Variants in RAD51AP2 observed in about 807,000 individuals in gnomAD.
RAD51AP2 encodes RAD51 associated protein 2.
RAD51AP2 carries 67 observed loss-of-function variants against 85.5 expected under a neutral mutation model. That is an observed-to-expected ratio of 0.78 (90% confidence interval 0.64 to 0.96). RAD51AP2 has a LOEUF of 0.96. Ranked by LOEUF, RAD51AP2 falls within the 40% of genes least tolerant of loss-of-function variation. The pLI is 0.00. For missense variants in RAD51AP2, 1,307 were observed against 1,332.4 expected (o/e 0.98, Z 0.30); for synonymous variants, 474 against 446.5 (o/e 1.06, Z -0.78).
At chr2:17,532,966 A>G in the RAD51AP2 span, among the ~76,000 whole-genome samples, 2 of 152,222 alleles carry the variant, frequency 1.3e-5, no homozygotes, top group African/African-American at 2.4e-5. Context: ...GTTTGACAAT[A>G]CTAAAATCAG....
At position 17,510,677 on chromosome 2, in the gene RAD51AP2, T is replaced by C. The variant is rs149837277; in HGVS notation, c.*127A>G. 30 of 486,430 alleles carry C rather than the reference T, an allele frequency of 6.2e-5. 1 individual carries two copies. The highest frequency in any genetic ancestry group is 6.0e-4 in the South Asian group (13 of 21,494). The allele number at this position is 486,430 out of a possible 1,614,324, so 30.1% of individuals were successfully genotyped here. A position where few individuals can be genotyped will look rare whatever the true frequency, so the allele number is the denominator to read the frequency against. ...CTTTGAAAGGTAATACCATAATTTA[T>C]ACACTCAAAAAAAAAAACTTCTCCA... is the stretch of plus-strand genomic sequence containing the variant. On this transcript the variant is annotated 3_prime_UTR_variant, in exon 3 of 3. Transcript: ENST00000399080.
In RAD51AP2 at chr2:17,518,033, C is replaced by G. The variant is rs374447700; in HGVS notation, c.383G>C (p.Arg128Thr). The G allele has an allele frequency of 2.5e-6, 4 of 1,614,190 alleles. No homozygotes were observed. Among genetic ancestry groups the G allele is most frequent in the Non-Finnish European group, 3.4e-6 (4 of 1,180,034 alleles). Reference sequence around the variant, plus strand: ...GCCTGCCTCAGACCTTCCTGAAGCCCTCAAATCAGAATCAGGACTTTGTGA... The same window carrying G: ...GCCTGCCTCAGACCTTCCTGAAGCCGTCAAATCAGAATCAGGACTTTGTGA... ...PPSQSPDSDL[R>T]ASGRSEAGLH... Residue 128 changes from arginine to threonine, a missense_variant, in exon 1 of 3, where the codon AGG becomes ACG. Physicochemically the swap from Arg to Thr is moderately conservative, Grantham distance 71. Transcript: ENST00000399080.
chr2:17,512,664 T>C (rs1380822376), intron 2 of RAD51AP2, among the ~76,000 whole-genome samples: 1 of 152,226 alleles, frequency 6.6e-6, no homozygotes, highest in Non-Finnish European at 1.5e-5. Flanking sequence ...TCCTTTATTC[T>C]ATATCAAAAT....
chr2:17,518,060 G>A lies in RAD51AP2; in HGVS notation c.356C>T (p.Pro119Leu), dbSNP rs755221006. The A allele has an allele frequency of 6.2e-7, 1 of 1,614,116 alleles. No homozygotes were observed. The stretch of plus-strand genomic sequence containing the variant: ...CAAATCAGAATCAGGACTTTGTGAG[G>A]GGGGAGACTGCAAACAGCTACTCAT... The part of the protein sequence containing the change: ...FQMSSCLQSP[P>L]SQSPDSDLRA... Residue 119 changes from proline to leucine, a missense_variant, in exon 1 of 3, where the codon CCC becomes CTC. Around this residue, in one of 3 missense-constraint regions of RAD51AP2, gnomAD observed 635 missense variants for 643.6 expected, o/e 0.99. Transcript: ENST00000399080.
At chr2:17,528,812 C>G in the RAD51AP2 span, among the ~76,000 whole-genome samples, 1 of 152,086 alleles carries the variant, frequency 6.6e-6, no homozygotes, top group Non-Finnish European at 1.5e-5. Context: ...CCACTGCTCC[C>G]CAGCCTGGGC....
At chr2:17,528,046 A>G in the RAD51AP2 span, among the ~76,000 whole-genome samples, 2 of 152,220 alleles carry the variant, frequency 1.3e-5, no homozygotes, top group East Asian at 1.9e-4. Flanking sequence ...ATACTATCAG[A>G]TGATACCTAT....
At chr2:17,511,304 A>G (rs1662487109) in intron 2 of RAD51AP2, among the ~76,000 whole-genome samples, 1 of 152,110 alleles carries the variant, frequency 6.6e-6, no homozygotes, top group African/African-American at 2.4e-5. Flanking sequence ...CATTTTTTCT[A>G]TTGGTAGCTA....
At chr2:17,511,381 C>T (rs1662490666) in intron 2 of RAD51AP2, among the ~76,000 whole-genome samples, 1 of 152,062 alleles carries the variant, frequency 6.6e-6, no homozygotes, top group Non-Finnish European at 1.5e-5. Context: ...AATAATAGAA[C>T]ACAAATGCAC....
the RAD51AP2 span, among the ~76,000 whole-genome samples, chr2:17,524,587 A>G: frequency 1.3e-5 from 2 of 151,880 alleles, no homozygotes; most frequent in African/African-American, 4.8e-5. Flanking sequence ...TTATTCATCC[A>G]TGTTCCCATA....
the RAD51AP2 span, among the ~76,000 whole-genome samples, chr2:17,530,506 A>C: frequency 6.8e-6 from 1 of 146,238 alleles, no homozygotes; most frequent in African/African-American, 2.5e-5. Flanking sequence ...ACTTGAGCCC[A>C]AGAGGTTGAG....
chr2:17,536,744 T>C, the RAD51AP2 span, among the ~76,000 whole-genome samples: 1 of 152,188 alleles, frequency 6.6e-6, no homozygotes, highest in African/African-American at 2.4e-5. Context: ...CTGGGAGACA[T>C]GATCAATCAA....
At chr2:17,530,639 C>G in the RAD51AP2 span, among the ~76,000 whole-genome samples, 1 of 141,484 alleles carries the variant, frequency 7.1e-6, no homozygotes, top group East Asian at 2.0e-4. Context: ...TTACTGTATT[C>G]TTTCCTCTAG....
intron 2 of RAD51AP2, among the ~76,000 whole-genome samples, 159 bp from the exon 3 acceptor site, chr2:17,511,114 T>A (rs1277537038): frequency 2.0e-5 from 3 of 152,184 alleles, no homozygotes; most frequent in African/African-American, 7.2e-5. Context: ...TTTTACTTAT[T>A]TCTAGCTCCA....
chr2:17,531,796 A>G, the RAD51AP2 span, among the ~76,000 whole-genome samples: 2 of 152,242 alleles, frequency 1.3e-5, no homozygotes, highest in Non-Finnish European at 2.9e-5. Context: ...AAACTGGCTC[A>G]ATATCATCTT....
In RAD51AP2 at chr2:17,516,176, C is replaced by A. The variant is rs775298052; in HGVS notation, c.2240G>T (p.Gly747Val). Residue 747 changes from glycine to valine, a missense_variant, in exon 1 of 3, where the codon GGA (glycine) becomes GTA (valine). Coordinates refer to ENST00000399080, the MANE Select transcript of RAD51AP2 (RefSeq NM_001099218.3). ...SCPQFIQNNR[G>V]YINENFYEVN... ...TTCATAAAAATTTTCATTAATGTATCCTCGGTTGTTCTGTATAAATTGAGG... is the reference window on the plus strand; with the variant it reads ...TTCATAAAAATTTTCATTAATGTATACTCGGTTGTTCTGTATAAATTGAGG... The A allele has an allele frequency of 1.2e-5, 20 of 1,613,210 alleles. No homozygotes were observed. Among genetic ancestry groups the A allele is most frequent in the Non-Finnish European group, 1.5e-5 (18 of 1,179,630 alleles).
the RAD51AP2 span, among the ~76,000 whole-genome samples, chr2:17,537,811 G>A: frequency 6.6e-6 from 1 of 152,180 alleles, no homozygotes; most frequent in Non-Finnish European, 1.5e-5. Context: ...TAAGGTGGAA[G>A]TAAGGCTAGA....
chr2:17,536,977 G>T, the RAD51AP2 span, among the ~76,000 whole-genome samples: 1 of 152,136 alleles, frequency 6.6e-6, no homozygotes, highest in Non-Finnish European at 1.5e-5. Flanking sequence ...CTATAGGGAA[G>T]TTATTTTATT....
rs1449384856 is a variant in RAD51AP2, at chr2:17,515,827, ACTAT to A, written c.2585_2588del (p.Asp862ValfsTer16). 6.2e-7 allele frequency: 1 copy of A among 1,608,460 alleles called. No homozygotes were observed. The highest frequency in any genetic ancestry group is 8.5e-7 in the Non-Finnish European group (1 of 1,176,362). On this transcript the variant is annotated frameshift_variant, in exon 1 of 3. Coordinates refer to ENST00000399080, the MANE Select transcript of RAD51AP2 (RefSeq NM_001099218.3). LOFTEE classifies it high-confidence loss of function. ...AAAACATGTCATCCATTGGAAAAAAACTATCTTTCTCTTCCTTTTCTATCTTAGT... is the reference window on the plus strand; with the variant it reads ...AAAACATGTCATCCATTGGAAAAAAACTTTCTCTTCCTTTTCTATCTTAGT...
chr2:17,535,935 CAAAA>C, the RAD51AP2 span, among the ~76,000 whole-genome samples: 1 of 57,228 alleles, frequency 1.7e-5, no homozygotes, highest in African/African-American at 6.8e-5. Context: ...GTAAGAACAC[CAAAA>C]AAAAAAAAAA....
Sources: gnomAD v4.1 joint callset for allele counts (sites outside exome capture counted in the v4.1 genomes callset) on GRCh38, gnomAD v4.1.1 for gene constraint, gnomAD v4.1.1 regional missense constraint, MANE v1.5 for transcripts, NCBI Gene and HGNC (gene_info 2026-07-23, HGNC 2026-07-21) for gene names.